Variants in SLC29A2 observed in about 807,000 individuals in gnomAD.
SLC29A2 encodes solute carrier family 29 member 2.
In SLC29A2, 37 loss-of-function variants were observed where a neutral mutation model predicts 48.8. The ratio of observed to expected loss-of-function variants is 0.76; its 90% CI spans 0.58 to 1.00. The LOEUF is 1.00. SLC29A2 is among the 50% of genes least tolerant of loss of function. The pLI, the probability that SLC29A2 is intolerant of heterozygous loss-of-function variation, is 0.00. For missense variants in SLC29A2, 533 were observed against 578.6 expected (o/e 0.92, Z 0.81); for synonymous variants, 233 against 261.7 (o/e 0.89, Z 1.06).
chr11:66,369,336 C>T (rs1288523893), intron 3 of SLC29A2, 33 bp downstream of exon 3: 1 of 1,613,406 alleles, frequency 6.2e-7, no homozygotes, highest in Admixed American at 1.7e-5. Context: ...GCTGCCTCGG[C>T]AGAGGGCGCA....
intron 5 of SLC29A2, 84 bp from the exon 6 acceptor site, chr11:66,367,953 T>C: frequency 1.9e-6 from 2 of 1,056,994 alleles, no homozygotes; most frequent in Admixed American, 3.9e-5. Context: ...CCACTTCCCA[T>C]TGTGTACTTC....
intron 2 of SLC29A2, 62 bp from the exon 3 acceptor site, chr11:66,369,594 C>G: frequency 1.3e-6 from 2 of 1,586,456 alleles, no homozygotes; most frequent in Non-Finnish European, 8.6e-7. Context: ...TGCCTTCCCC[C>G]TCACTTGTGA....
At chr11:66,364,849 G>GTGT (rs1855585228) in intron 10 of SLC29A2, 1 of 134,778 alleles carries the variant, frequency 7.4e-6, no homozygotes, top group Admixed American at 8.0e-5. Context: ...TGTGTGTACA[G>GTGT]ACAAAGTCTC....
Position 66,369,385 on chromosome 11 carries a change from A to T in SLC29A2, c.259T>A (p.Ser87Thr), listed in dbSNP as rs1311775961. 1.2e-6 allele frequency: 2 copies of T among 1,614,036 alleles called. No individual in the cohort carries two copies. Among genetic ancestry groups the T allele is most frequent in the South Asian group, 2.2e-5 (2 of 91,082 alleles). The part of the protein sequence containing the change: ...LPLLLFTLLN[S>T]FLYQCVPETV... ...GCCTCTCACCACTGGTACAGGAAGG[A>T]GTTGAGGAGGGTGAAGAGCAGCAGG... The change falls in exon 3 of 12, where the codon TCC (serine) becomes ACC (threonine). Residue 87 changes from serine (S) to threonine (T), a missense_variant. By Grantham distance (58) the Ser-to-Thr change is moderately conservative (BLOSUM62 1). Coordinates refer to ENST00000357440, the MANE Select transcript of SLC29A2 (RefSeq NM_001532.3).
Position 66,368,524 on chromosome 11 carries a change from C to A in SLC29A2, c.550+13G>T. 1 of 1,613,492 alleles carries A rather than the reference C, an allele frequency of 6.2e-7. No individual in the cohort carries two copies. The highest frequency in any genetic ancestry group is 1.3e-5 in the African/African-American group (1 of 75,062). Reference sequence around the variant, plus strand: ...AGGCCACCCCAGCCCTCCAGCCACCCAAGTGCACTCACTGGCCATGGACAG... The same window carrying A: ...AGGCCACCCCAGCCCTCCAGCCACCAAAGTGCACTCACTGGCCATGGACAG... On this transcript the variant is annotated intron_variant, in intron 5 of 11. Coordinates refer to ENST00000357440, the MANE Select transcript of SLC29A2 (RefSeq NM_001532.3).
intron 3 of SLC29A2, 27 bp downstream of exon 3, chr11:66,369,342 G>A (rs766181419): frequency 6.2e-7 from 1 of 1,613,470 alleles, no homozygotes; most frequent in African/African-American, 1.3e-5. Context: ...TCGGCAGAGG[G>A]CGCAGGAGCC....
intron 11 of SLC29A2, 29 bp downstream of exon 11, chr11:66,364,196 G>A: frequency 7.1e-7 from 1 of 1,406,956 alleles, no homozygotes; most frequent in Non-Finnish European, 9.9e-7. Context: ...CCTACTCCCA[G>A]CCCCCCACCC....
At chr11:66,367,401 C>T in intron 7 of SLC29A2, 63 bp downstream of exon 7, 2 of 1,400,882 alleles carry the variant, frequency 1.4e-6, no homozygotes, top group Non-Finnish European at 2.0e-6. Context: ...AACAGCTTCC[C>T]AGGGGAGGTG....
At chr11:66,367,122 A>C (rs145460920) in intron 7 of SLC29A2, among the ~76,000 whole-genome samples, 2 of 152,340 alleles carry the variant, frequency 1.3e-5, no homozygotes, top group East Asian at 3.9e-4. Context: ...ATTGCTTTAC[A>C]AATGACACAT....
intron 4 of SLC29A2, 115 bp from the exon 5 acceptor site, chr11:66,368,786 C>T (rs1855856902): frequency 1.4e-6 from 2 of 1,398,942 alleles, no homozygotes; most frequent in Admixed American, 2.0e-5. Context: ...CAGGTGTGAG[C>T]TTCCCTAGGG....
rs1463582176 is a variant in SLC29A2 at position 66,369,136 on chromosome 11, T to C, written c.339A>G (p.Thr113=). Residue 113 remains threonine (T), a synonymous_variant, in exon 4 of 12, where the codon ACA becomes ACG. Coordinates refer to ENST00000357440, the MANE Select transcript of SLC29A2 (RefSeq NM_001532.3). ...TCATGTCCACCTTGACCAGCGCTGC[T>C]GTCAGGGCAAAGAGCAGCAGTATGG... ...LLAILLLFAL[T]AALVKVDMSP... is the part of the protein sequence containing the mutation. The C allele has an allele frequency of 1.9e-6, 3 of 1,586,494 alleles. No homozygotes were observed. The highest frequency in any genetic ancestry group is 1.3e-5 in the African/African-American group (1 of 74,226).
rs911978952 is a variant in SLC29A2 at position 66,371,737 on chromosome 11, C to T, written c.-146G>A. The T allele has an allele frequency of 5.3e-6, 4 of 757,270 alleles. No homozygotes were observed. The African/African-American group carries it at 7.2e-5, about 14-fold the overall frequency. The allele number at this position is 757,270 out of a possible 1,614,324, so 46.9% of individuals were successfully genotyped here. ...GGGCGGCTGGAGTCGCACAGGTAGC[C>T]TCGGGCGGATTTCGGCGTGTCTCGC... On this transcript the variant is annotated 5_prime_UTR_variant, in exon 1 of 12. Transcript: ENST00000357440.
At chr11:66,367,428 C>T (rs1855763178) in intron 7 of SLC29A2, 36 bp downstream of exon 7, 2 of 1,585,274 alleles carry the variant, frequency 1.3e-6, no homozygotes, top group East Asian at 4.5e-5. Context: ...GCTTCCTCTG[C>T]ATCTCCCACC....
chr11:66,367,335 T>G, intron 7 of SLC29A2, 129 bp downstream of exon 7: 2 of 809,182 alleles, frequency 2.5e-6, no homozygotes, highest in South Asian at 2.7e-5. Context: ...CTTCCCTTCA[T>G]GATCTTCCTG....
intron 10 of SLC29A2, chr11:66,364,632 G>A: frequency 1.8e-6 from 1 of 545,346 alleles, no homozygotes; most frequent in Non-Finnish European, 3.3e-6. Flanking sequence ...AGCCTCCTGA[G>A]TAGCTGGGAC....
At position 66,364,348 on chromosome 11, in the gene SLC29A2, T is replaced by C; in HGVS notation, c.1136A>G (p.His379Arg). ...FLFVPLFMLC[H>R]VPQRSRLPIL... ...GGGCAGCCGGGACCTCTGGGGCACGTGGCACAGCATGAAGAGGGGCACGAA... is the reference window on the plus strand; with the variant it reads ...GGGCAGCCGGGACCTCTGGGGCACGCGGCACAGCATGAAGAGGGGCACGAA... Residue 379 changes from histidine to arginine, a missense_variant, in exon 11 of 12, where the codon CAC becomes CGC. His to Arg is a conservative substitution (Grantham distance 29). Transcript: ENST00000357440. 1 of 1,613,764 alleles carries C rather than the reference T, an allele frequency of 6.2e-7. No homozygotes were observed.
Position 66,369,286 on chromosome 11 carries a change from G to C in SLC29A2, c.275+83C>G. 8 of 1,599,822 alleles carry C rather than the reference G, an allele frequency of 5.0e-6. No individual in the cohort carries two copies. The South Asian group carries it at 7.8e-5, about 16-fold the overall frequency. ...GCTCGACACCTGGGGCTGGGCAGTA[G>C]GGCTGGGGGGCAGGGGGCGCAGGGG... On this transcript the variant is annotated intron_variant, in intron 3 of 11. Coordinates refer to ENST00000357440, the MANE Select transcript of SLC29A2 (RefSeq NM_001532.3).
chr11:66,364,638 G>T, intron 10 of SLC29A2: 1 of 533,336 alleles, frequency 1.9e-6, no homozygotes, highest in South Asian at 2.3e-5. Flanking sequence ...CTGAGTAGCT[G>T]GGACTATAGG....
chr11:66,367,136 G>A (rs1855744344), intron 7 of SLC29A2, among the ~76,000 whole-genome samples: 2 of 152,202 alleles, frequency 1.3e-5, no homozygotes, highest in East Asian at 3.8e-4. Context: ...GACACATTGA[G>A]GTTCAGAGGG....
Sources: allele counts gnomAD v4.1 joint callset (sites outside exome capture counted in the v4.1 genomes callset), GRCh38; gene constraint gnomAD v4.1.1; transcripts MANE v1.5; gene names NCBI Gene and HGNC (gene_info 2026-07-23, HGNC 2026-07-21).